Variants in PPP3CC observed in about 807,000 individuals in gnomAD.
PPP3CC encodes serine/threonine-protein phosphatase 2B catalytic subunit gamma isoform.
PPP3CC carries 35 observed loss-of-function variants against 60.3 expected under a neutral mutation model. That is an observed-to-expected ratio of 0.58 (90% CI 0.44 to 0.77). The LOEUF (loss-of-function observed/expected upper bound fraction) is 0.77, where lower values mean the gene tolerates loss of function less well. Among genes scored for constraint, PPP3CC ranks in the 30% least tolerant of loss-of-function variants. The probability of loss-of-function intolerance (pLI) is 0.00; values close to 1 mark genes in which losing one functional copy is unlikely to be tolerated. For synonymous variants in PPP3CC, 206 were observed against 224.3 expected, an observed-to-expected ratio of 0.92 and a Z score of 0.73; for missense variants, 570 against 628.9, an observed-to-expected ratio of 0.91 and a Z score of 1.00.
chr8:22,512,751 A>G (rs563356642), intron 5 of PPP3CC, among the ~76,000 whole-genome samples: 2 of 152,296 alleles, frequency 1.3e-5, no homozygotes, highest in Non-Finnish European at 1.5e-5. Flanking sequence ...GTCTTTTACT[A>G]CAGTATGGTT....
chr8:22,484,764 G>C (rs963110417), intron 3 of PPP3CC, among the ~76,000 whole-genome samples: 1 of 152,226 alleles, frequency 6.6e-6, no homozygotes, highest in Non-Finnish European at 1.5e-5. Context: ...GCAAAGGAAA[G>C]AGCATGAAGG....
At chr8:22,509,017 A>G (rs1050862222) in intron 4 of PPP3CC, among the ~76,000 whole-genome samples, 1 of 152,226 alleles carries the variant, frequency 6.6e-6, no homozygotes, top group African/African-American at 2.4e-5. Context: ...AATGTTCTGA[A>G]AACCTCAAAG....
At chr8:22,496,910 T>C (rs559619184) in intron 3 of PPP3CC, among the ~76,000 whole-genome samples, 155 of 152,354 alleles carry the variant, frequency 1.0e-3, no homozygotes, top group African/African-American at 3.5e-3. Context: ...TTTCCTTGTA[T>C]GGATTTTGCA....
At chr8:22,462,808 A>G (rs1837401738) in intron 1 of PPP3CC, among the ~76,000 whole-genome samples, 1 of 152,036 alleles carries the variant, frequency 6.6e-6, no homozygotes. Flanking sequence ...TTTTTCTTAG[A>G]TGATAATTTG....
At chr8:22,500,263 A>G (rs1838724020) in intron 4 of PPP3CC, among the ~76,000 whole-genome samples, 2 of 152,180 alleles carry the variant, frequency 1.3e-5, no homozygotes, top group Non-Finnish European at 2.9e-5. Flanking sequence ...AAATTTTAGC[A>G]TATTCTCTAT....
chr8:22,526,017 G>A (rs770095989), intron 8 of PPP3CC, among the ~76,000 whole-genome samples: 26 of 151,174 alleles, frequency 1.7e-4, no homozygotes, highest in Non-Finnish European at 3.8e-4. Context: ...ACAGGTGCAC[G>A]TCGCCACGCC....
intron 1 of PPP3CC, among the ~76,000 whole-genome samples, chr8:22,469,406 T>G (rs982746606): frequency 2.6e-5 from 4 of 151,422 alleles, no homozygotes; most frequent in Non-Finnish European, 5.9e-5. Context: ...AAGATAGGAG[T>G]AGATTCAATG....
intron 1 of PPP3CC, among the ~76,000 whole-genome samples, chr8:22,451,675 ATGG>A (rs1837031718): frequency 6.6e-6 from 1 of 152,246 alleles, no homozygotes; most frequent in South Asian, 2.1e-4. Flanking sequence ...GCACAGCATG[ATGG>A]TGATGTCCAG....
rs1163020062 is a variant in PPP3CC, at chr8:22,540,723, G to T, written c.1460G>T (p.Gly487Val). ...CCCCGAAAGGATAGCATACACGCTG[G>T]TGGGCCAATGAAATCTGTAACCTCA... ...MPPRKDSIHA[G>V]GPMKSVTSAH... is the part of the protein sequence containing the mutation. The change falls in exon 14 of 14, where the codon GGT (glycine) becomes GTT (valine). Residue 487 changes from glycine to valine, a missense_variant. By Grantham distance (109) the Gly-to-Val change is moderately radical (BLOSUM62 -3). Transcript: ENST00000240139. 1.2e-6 allele frequency: 2 copies of T among 1,614,036 alleles called. No homozygotes were observed. The highest frequency in any genetic ancestry group is 2.7e-5 in the African/African-American group (2 of 74,918).
intron 8 of PPP3CC, among the ~76,000 whole-genome samples, chr8:22,524,143 T>C (rs1480311226): frequency 6.6e-6 from 1 of 152,262 alleles, no homozygotes; most frequent in Non-Finnish European, 1.5e-5. Context: ...ATTTTACTGT[T>C]ATTGTACCTG....
chr8:22,520,692 A>C lies in PPP3CC; in HGVS notation c.771-1799A>C, dbSNP rs79901768. Among the ~76,000 whole-genome samples, 1,267 of 152,204 alleles carry C rather than the reference A, an allele frequency of 8.3e-3. 18 individuals carry two copies. The highest frequency in any genetic ancestry group is 0.027 in the African/African-American group (1,111 of 41,556). On this transcript the variant is annotated intron_variant, in intron 6 of 13. Coordinates refer to ENST00000240139, the MANE Select transcript of PPP3CC (RefSeq NM_005605.5). ...TATGGTTTCTGTTTCTTTATTAAAC[A>C]TCTCTCTTTATTCATTTATTTGCTT... is the stretch of plus-strand genomic sequence containing the variant.
At chr8:22,495,912 G>T (rs1413499155) in intron 3 of PPP3CC, among the ~76,000 whole-genome samples, 1 of 152,058 alleles carries the variant, frequency 6.6e-6, no homozygotes, top group African/African-American at 2.4e-5. Flanking sequence ...ATTGCCTCTG[G>T]ATTTTTAGTC....
At chr8:22,494,034 T>A (rs1838487979) in intron 3 of PPP3CC, among the ~76,000 whole-genome samples, 1 of 152,200 alleles carries the variant, frequency 6.6e-6, no homozygotes, top group African/African-American at 2.4e-5. Context: ...CAGTTCATTT[T>A]AATTTTATGG....
chr8:22,519,538 G>A (rs144793675), intron 6 of PPP3CC, among the ~76,000 whole-genome samples: 321 of 152,206 alleles, frequency 2.1e-3, no homozygotes, highest in African/African-American at 7.3e-3. Flanking sequence ...CATCGGGTTT[G>A]CATCAAACAT....
Position 22,528,589 on chromosome 8 carries a change from C to G in PPP3CC, c.1141+12C>G. The G allele has an allele frequency of 6.7e-7, 1 of 1,500,104 alleles. No homozygotes were observed. The highest frequency in any genetic ancestry group is 9.0e-7 in the Non-Finnish European group (1 of 1,113,568). The allele number at this position is 1,500,104 out of a possible 1,614,324, so 92.9% of individuals were successfully genotyped here. The stretch of plus-strand genomic sequence containing the variant: ...TGATGAAGCAGAAGGTAAACTTTTC[C>G]TCCTTTGAACTAAAACTAGAAAGAG... On this transcript the variant is annotated intron_variant, in intron 10 of 13. Transcript: ENST00000240139.
chr8:22,523,549 A>T (rs2117123005), intron 8 of PPP3CC: 1 of 349,678 alleles, frequency 2.9e-6, no homozygotes. Flanking sequence ...TTGTCCCTTC[A>T]AAGTAGTTAC....
intron 1 of PPP3CC, among the ~76,000 whole-genome samples, chr8:22,442,436 C>T (rs1563657580): frequency 6.6e-6 from 1 of 152,076 alleles, no homozygotes; most frequent in Non-Finnish European, 1.5e-5. Flanking sequence ...ATACTAGTGA[C>T]GGGAATACAT....
At chr8:22,442,411 G>A (rs1522248) in intron 1 of PPP3CC, among the ~76,000 whole-genome samples, 27,269 of 152,084 alleles carry the variant, frequency 0.18, 4,599 homozygotes, top group African/African-American at 0.45. Flanking sequence ...GGTATTAGAA[G>A]GAGAAAGGCA....
At chr8:22,492,531 G>A (rs1407896406) in intron 3 of PPP3CC, 3 of 354,392 alleles carry the variant, frequency 8.5e-6, no homozygotes, top group Non-Finnish European at 5.2e-6. Flanking sequence ...CCATGTGTGT[G>A]CACCTAATCT....
Sources: allele counts gnomAD v4.1 joint callset (sites outside exome capture counted in the v4.1 genomes callset), GRCh38; gene constraint gnomAD v4.1.1; transcripts MANE v1.5; gene names NCBI Gene and HGNC (gene_info 2026-07-23, HGNC 2026-07-21).